The following MT2A variants were observed in gnomAD, a reference collection of about 807,000 sequenced individuals.
MT2A encodes the protein metallothionein 2A.
Under a neutral mutation model 9.9 loss-of-function variants are expected in MT2A, and 6 were observed. The observed-to-expected ratio is 0.61, with a 90% CI of 0.33 to 1.20. MT2A has a LOEUF of 1.20. Among genes scored for constraint, MT2A ranks in the 50% most tolerant of loss-of-function variants. The probability of loss-of-function intolerance (pLI) is 0.04; values close to 1 mark genes in which losing one functional copy is unlikely to be tolerated. For synonymous variants in MT2A, 27 were observed against 28.7 expected (o/e 0.94, Z 0.18); for missense variants, 57 against 78.2 (o/e 0.73, Z 1.02).
chr16:56,608,937 G>A (rs551741259), intron 1 of MT2A, 55 bp from the exon 2 acceptor site: 32 of 1,597,936 alleles, frequency 2.0e-5, no homozygotes, highest in Non-Finnish European at 2.6e-5. Context: ...TTAGTACGCC[G>A]TCCCTTGTTC....
In MT2A at chr16:56,609,494, T is replaced by C. The variant is rs1307872953; in HGVS notation, c.*140T>C. ...TGAATGATAATAAAACAGCTTTGACTTGATTCTGTCTCTGGTTTCCTTTAT... is the reference window on the plus strand; with the variant it reads ...TGAATGATAATAAAACAGCTTTGACCTGATTCTGTCTCTGGTTTCCTTTAT... On this transcript the variant is annotated 3_prime_UTR_variant, in exon 3 of 3. Transcript: ENST00000245185. The C allele has an allele frequency of 1.2e-5, 14 of 1,216,378 alleles. No individual in the cohort carries two copies. In the African/African-American group the frequency reaches 1.8e-4, roughly 16 times the overall value. The allele number at this position is 1,216,378 out of a possible 1,614,324, so 75.3% of individuals were successfully genotyped here. A position where few individuals can be genotyped will look rare whatever the true frequency, so the allele number is the denominator to read the frequency against.
At chr16:56,608,942 T>C in intron 1 of MT2A, 50 bp from the exon 2 acceptor site, 3 of 1,604,226 alleles carry the variant, frequency 1.9e-6, no homozygotes, top group Non-Finnish European at 2.6e-6. Flanking sequence ...ACGCCGTCCC[T>C]TGTTCAGGTA....
chr16:56,609,445 T>C lies in MT2A; in HGVS notation c.*91T>C. 5.4e-6 allele frequency: 8 copies of C among 1,468,736 alleles called. No homozygotes were observed. The highest frequency in any genetic ancestry group is 7.3e-6 in the Non-Finnish European group (8 of 1,090,554). 91.0% of individuals were successfully genotyped at this position (1,468,736 alleles called of 1,614,324 possible). A position where few individuals can be genotyped will look rare whatever the true frequency, so the allele number is the denominator to read the frequency against. On this transcript the variant is annotated 3_prime_UTR_variant, in exon 3 of 3. Coordinates refer to ENST00000245185, the MANE Select transcript of MT2A (RefSeq NM_005953.5). The stretch of plus-strand genomic sequence containing the variant: ...CAACCCTGACCGTGACCGTTTGCTA[T>C]ATTCCTTTTTCTATGAAATAATGTG...
Position 56,609,256 on chromosome 16 carries a change from C to T in MT2A, c.95-7C>T. ...ACTCATCTCTGCCGCCTCCTGTCTGCCCCCAGGCTGCTGCTCCTGCTGCCC... is the reference window on the plus strand; with the variant it reads ...ACTCATCTCTGCCGCCTCCTGTCTGTCCCCAGGCTGCTGCTCCTGCTGCCC... On this transcript the variant is annotated splice_region_variant and splice_polypyrimidine_tract_variant and intron_variant, in intron 2 of 2. Transcript: ENST00000245185. 1 of 1,614,146 alleles carries T rather than the reference C, an allele frequency of 6.2e-7. No individual in the cohort carries two copies. Among genetic ancestry groups the T allele is most frequent in the Non-Finnish European group, 8.5e-7 (1 of 1,179,990 alleles).
At chr16:56,609,163 G>A (rs1260561568) in intron 2 of MT2A, 100 bp from the exon 3 acceptor site, 15 of 1,610,940 alleles carry the variant, frequency 9.3e-6, no homozygotes, top group African/African-American at 8.0e-5. Context: ...CCCATTGCGC[G>A]GAAATTGTTG....
intron 2 of MT2A, 62 bp from the exon 3 acceptor site, chr16:56,609,201 G>C (rs1960003965): frequency 1.2e-6 from 2 of 1,613,304 alleles, no homozygotes; most frequent in Admixed American, 3.3e-5. Flanking sequence ...ATCAGGGAGA[G>C]CAGGAATCCT....
intron 2 of MT2A, 51 bp downstream of exon 2, chr16:56,609,108 C>T: frequency 6.2e-7 from 1 of 1,612,070 alleles, no homozygotes; most frequent in Non-Finnish European, 8.5e-7. Flanking sequence ...TCCAGCCTGT[C>T]CCCTCTCCAC....
intron 2 of MT2A, 101 bp from the exon 3 acceptor site, chr16:56,609,162 C>T (rs1165791582): frequency 1.2e-6 from 2 of 1,611,086 alleles, no homozygotes; most frequent in East Asian, 2.2e-5. Flanking sequence ...CCCCATTGCG[C>T]GGAAATTGTT....
Position 56,609,327 on chromosome 16 carries a change from G to T in MT2A, c.159G>T (p.Ala53=). ...KCAQGCICKG[A]SDKCSCCA ...CCCAGGGCTGCATCTGCAAAGGGGC[G>T]TCGGACAAGTGCAGCTGCTGCGCCT... The change falls in exon 3 of 3, where the codon GCG becomes GCT. Residue 53 remains alanine, a synonymous_variant. Transcript: ENST00000245185. 1 of 1,614,230 alleles carries T rather than the reference G, an allele frequency of 6.2e-7. No homozygotes were observed. Among genetic ancestry groups the T allele is most frequent in the Admixed American group, 1.7e-5 (1 of 60,030 alleles).
Position 56,609,084 on chromosome 16 carries a change from C to T in MT2A, c.94+27C>T, listed in dbSNP as rs200092393. 25 of 1,613,640 alleles carry T rather than the reference C, an allele frequency of 1.5e-5. No individual in the cohort carries two copies. The South Asian group carries it at 2.0e-4, about 13-fold the overall frequency. Reference sequence around the variant, plus strand: ...TAAGTGGGATCCTCTCTTTCCTCTACCCCTTCCCTGTCCTCCAGCCTGTCC... The same window carrying T: ...TAAGTGGGATCCTCTCTTTCCTCTATCCCTTCCCTGTCCTCCAGCCTGTCC... On this transcript the variant is annotated intron_variant, in intron 2 of 2. Coordinates refer to ENST00000245185, the MANE Select transcript of MT2A (RefSeq NM_005953.5).
At chr16:56,609,104 C>T in intron 2 of MT2A, 47 bp downstream of exon 2, 1 of 1,612,340 alleles carries the variant, frequency 6.2e-7, no homozygotes. Flanking sequence ...GTCCTCCAGC[C>T]TGTCCCCTCT....
rs1373220912 is a variant in MT2A at position 56,608,853 on chromosome 16, A to G, written c.29-139A>G. 4.6e-6 allele frequency: 6 copies of G among 1,314,612 alleles called. No individual in the cohort carries two copies. In the East Asian group the frequency reaches 1.2e-4, roughly 25 times the overall value. 81.4% of individuals were successfully genotyped at this position (1,314,612 alleles called of 1,614,324 possible). On this transcript the variant is annotated intron_variant, in intron 1 of 2. Coordinates refer to ENST00000245185, the MANE Select transcript of MT2A (RefSeq NM_005953.5). ...TATTCGGAGCCCCCTTTTTACCGTT[A>G]AGGAGATCTGAGTTAATGGCTTGCT...
chr16:56,608,969 A>C lies in MT2A; in HGVS notation c.29-23A>C, dbSNP rs751231696. 4 of 1,613,234 alleles carry C rather than the reference A, an allele frequency of 2.5e-6. No homozygotes were observed. In the African/African-American group the frequency reaches 5.4e-5, roughly 22 times the overall value. On this transcript the variant is annotated intron_variant, in intron 1 of 2. Coordinates refer to ENST00000245185, the MANE Select transcript of MT2A (RefSeq NM_005953.5). ...GTTCAGGTATCCAGGGACGGTTCTC[A>C]CCTCTGTCTTTTCTCCTTGCAGGTG...
In MT2A at chr16:56,609,378, A is replaced by C. The variant is rs763453877; in HGVS notation, c.*24A>C. 1 of 1,611,990 alleles carries C rather than the reference A, an allele frequency of 6.2e-7. No individual in the cohort carries two copies. The highest frequency in any genetic ancestry group is 1.3e-5 in the African/African-American group (1 of 74,936). On this transcript the variant is annotated 3_prime_UTR_variant, in exon 3 of 3. Transcript: ENST00000245185. ...GATGCTGGGACAGCCCCGCTCCCAG[A>C]TGTAAAGAACGCGACTTCCACAAAC... is the stretch of plus-strand genomic sequence containing the variant.
chr16:56,608,933 C>T, intron 1 of MT2A, 59 bp from the exon 2 acceptor site: 1 of 1,585,162 alleles, frequency 6.3e-7, no homozygotes, highest in Admixed American at 1.7e-5. Flanking sequence ...GCTCTTAGTA[C>T]GCCGTCCCTT....
Position 56,608,682 on chromosome 16 carries a change from C to G in MT2A, c.27C>G (p.Ala9=). 1.9e-6 allele frequency: 3 copies of G among 1,614,216 alleles called. No homozygotes were observed. Among genetic ancestry groups the G allele is most frequent in the Non-Finnish European group, 1.7e-6 (2 of 1,180,022 alleles). Residue 9 remains alanine (A), a splice_region_variant and synonymous_variant, in exon 1 of 3, where the codon GCC becomes GCG. Coordinates refer to ENST00000245185, the MANE Select transcript of MT2A (RefSeq NM_005953.5). MDPNCSCA[A]GDSCTCAGSC... is the part of the protein sequence containing the mutation. ...TGGATCCCAACTGCTCCTGCGCCGCCGGTAAGAGGCTGGGGATGCCCAGTG... is the reference window on the plus strand; with the variant it reads ...TGGATCCCAACTGCTCCTGCGCCGCGGGTAAGAGGCTGGGGATGCCCAGTG...
chr16:56,608,956 A>AG (rs765104559), intron 1 of MT2A, 36 bp from the exon 2 acceptor site: 2 of 1,612,240 alleles, frequency 1.2e-6, no homozygotes, highest in South Asian at 2.2e-5. Context: ...TCAGGTATCC[A>AG]GGGACGGTTC....
In MT2A at chr16:56,608,689, A is replaced by C; in HGVS notation, c.28+6A>C. The C allele has an allele frequency of 6.2e-7, 1 of 1,614,206 alleles. No homozygotes were observed. Among genetic ancestry groups the C allele is most frequent in the African/African-American group, 1.3e-5 (1 of 75,066 alleles). On this transcript the variant is annotated splice_donor_region_variant and intron_variant, in intron 1 of 2. Coordinates refer to ENST00000245185, the MANE Select transcript of MT2A (RefSeq NM_005953.5). Reference sequence around the variant, plus strand: ...CAACTGCTCCTGCGCCGCCGGTAAGAGGCTGGGGATGCCCAGTGTAGACTG... The same window carrying C: ...CAACTGCTCCTGCGCCGCCGGTAAGCGGCTGGGGATGCCCAGTGTAGACTG...
rs1258205423 is a variant in MT2A at position 56,609,349 on chromosome 16, G to T, written c.181G>T (p.Ala61Ser). The change falls in exon 3 of 3, where the codon GCC becomes TCC. Residue 61 changes from alanine to serine, a missense_variant. Transcript: ENST00000245185. Reference protein sequence around the residue: ...KGASDKCSCCA With the variant: ...KGASDKCSCCS ...GGCGTCGGACAAGTGCAGCTGCTGC[G>T]CCTGATGCTGGGACAGCCCCGCTCC... 1 of 1,614,026 alleles carries T rather than the reference G, an allele frequency of 6.2e-7. No individual in the cohort carries two copies. The highest frequency in any genetic ancestry group is 1.7e-5 in the Admixed American group (1 of 59,998).
Sources: gnomAD v4.1 joint callset for allele counts on GRCh38, gnomAD v4.1.1 for gene constraint, MANE v1.5 for transcripts, NCBI Gene and HGNC (gene_info 2026-07-23, HGNC 2026-07-21) for gene names.